The following RDH13 variants were observed in gnomAD, a reference collection of about 807,000 sequenced individuals.
RDH13 encodes the protein retinol dehydrogenase 13 (all-trans and 9-cis).
RDH13 carries 35 observed loss-of-function variants against 28.3 expected under a neutral mutation model. The observed-to-expected ratio is 1.24, with a 90% CI of 0.95 to 1.64. The LOEUF (loss-of-function observed/expected upper bound fraction) is 1.64. Among genes scored for constraint, RDH13 ranks in the 40% most tolerant of loss-of-function variants. The pLI, the probability that RDH13 is intolerant of heterozygous loss-of-function variation, is 0.00. For synonymous variants in RDH13, 229 were observed against 198.5 expected (o/e 1.15, Z -1.29); for missense variants, 514 against 446.3 (o/e 1.15, Z -1.37).
intron 2 of RDH13, among the ~76,000 whole-genome samples, 157 bp downstream of exon 2, chr19:55,059,000 T>C (rs1317507721): frequency 6.6e-6 from 1 of 152,224 alleles, no homozygotes; most frequent in Non-Finnish European, 1.5e-5. Context: ...TTTTTAAGGC[T>C]GAATCATATG....
At chr19:55,050,847 C>A (rs2075404771) in intron 3 of RDH13, 1 of 151,938 alleles carries the variant, frequency 6.6e-6, no homozygotes, top group South Asian at 2.1e-4. Flanking sequence ...CACACAGACA[C>A]CATCTGGTTC....
At chr19:55,048,299 A>AG in intron 5 of RDH13, 30 bp downstream of exon 5, 1 of 1,613,244 alleles carries the variant, frequency 6.2e-7, no homozygotes, top group Non-Finnish European at 8.5e-7. Flanking sequence ...GAGTAAAGCA[A>AG]GAGGGAGGCC....
Sources: allele counts gnomAD v4.1 joint callset (sites outside exome capture counted in the v4.1 genomes callset), GRCh38; gene constraint gnomAD v4.1.1; transcripts MANE v1.5; gene names NCBI Gene and HGNC (gene_info 2026-07-23, HGNC 2026-07-21).